Variants in LY86 observed in about 807,000 individuals in gnomAD.
LY86 encodes lymphocyte antigen 86.
In LY86, 20 loss-of-function variants were observed where a neutral mutation model predicts 17.3. The observed-to-expected ratio is 1.15, with a 90% confidence interval of 0.81 to 1.68. The LOEUF (loss-of-function observed/expected upper bound fraction) is 1.68, where lower values mean the gene tolerates loss of function less well. LY86 is among the 40% of genes most tolerant of loss of function. The pLI is 0.00. For missense variants in LY86, 200 were observed against 191.9 expected (o/e 1.04, Z -0.25); for synonymous variants, 74 against 70.6 (o/e 1.05, Z -0.24).
chr6:6,595,196 GA>G (rs1230566770), intron 1 of LY86, among the ~76,000 whole-genome samples: 1 of 151,024 alleles, frequency 6.6e-6, no homozygotes, highest in Non-Finnish European at 1.5e-5. Flanking sequence ...GGAAAAGGAA[GA>G]GGGGGAGAAA....
intron 3 of LY86, among the ~76,000 whole-genome samples, chr6:6,637,770 C>A (rs531200658): frequency 1.7e-4 from 26 of 152,196 alleles, no homozygotes; most frequent in Non-Finnish European, 3.8e-4. Context: ...TCGCATTACT[C>A]TTTCCCAGGG....
chr6:6,627,641 A>G (rs565278028), intron 3 of LY86, among the ~76,000 whole-genome samples: 1 of 152,296 alleles, frequency 6.6e-6, no homozygotes, highest in African/African-American at 2.4e-5. Flanking sequence ...AATGTGGCTG[A>G]CACACAGAGA....
intron 1 of LY86, among the ~76,000 whole-genome samples, chr6:6,624,536 G>C (rs1368318760): frequency 1.3e-5 from 2 of 152,022 alleles, no homozygotes; most frequent in Admixed American, 1.3e-4. Flanking sequence ...ATCTCCCTCT[G>C]TTTTGATAAT....
chr6:6,626,825 C>T (rs1007666244), intron 3 of LY86, among the ~76,000 whole-genome samples: 4 of 140,842 alleles, frequency 2.8e-5, no homozygotes, highest in Non-Finnish European at 4.5e-5. Flanking sequence ...ACTTCAAAAA[C>T]GAAAAAAAAA....
intron 1 of LY86, among the ~76,000 whole-genome samples, chr6:6,614,268 AAC>A (rs1303251746): frequency 6.6e-6 from 1 of 152,104 alleles, no homozygotes; most frequent in Non-Finnish European, 1.5e-5. Context: ...CTGCCTTACA[AAC>A]ACAGACCGCA....
intron 4 of LY86, among the ~76,000 whole-genome samples, chr6:6,650,818 G>T (rs528604862): frequency 1.4e-4 from 21 of 152,176 alleles, no homozygotes; most frequent in Admixed American, 3.9e-4. Context: ...CTGAATTTAT[G>T]TCTTCTATTA....
intron 3 of LY86, among the ~76,000 whole-genome samples, chr6:6,639,279 A>C (rs1045281123): frequency 1.3e-5 from 2 of 151,620 alleles, no homozygotes; most frequent in Non-Finnish European, 3.0e-5. Context: ...CCTAGGTTAC[A>C]TCCGTGTCAT....
At chr6:6,613,226 G>A (rs538691935) in intron 1 of LY86, among the ~76,000 whole-genome samples, 392 of 145,030 alleles carry the variant, frequency 2.7e-3, no homozygotes, top group Middle Eastern at 3.6e-3. Context: ...CAGTGGATCC[G>A]GCACTAGGGC....
chr6:6,606,351 T>G (rs895858317), intron 1 of LY86, among the ~76,000 whole-genome samples: 2 of 152,090 alleles, frequency 1.3e-5, no homozygotes, highest in African/African-American at 2.4e-5. Flanking sequence ...TACAATCCCT[T>G]AGGTAGACAT....
intron 4 of LY86, 107 bp downstream of exon 4, chr6:6,649,784 A>G (rs1382294435): frequency 8.0e-6 from 6 of 753,178 alleles, no homozygotes; most frequent in Non-Finnish European, 1.1e-5. Flanking sequence ...AGAAGGAAAG[A>G]ATTAAACAGT....
intron 1 of LY86, among the ~76,000 whole-genome samples, chr6:6,605,273 A>G (rs971962456): frequency 1.2e-5 from 1 of 86,588 alleles, no homozygotes; most frequent in Non-Finnish European, 2.9e-5. Flanking sequence ...TTATCACCTC[A>G]CCTCACAGTT....
intron 1 of LY86, among the ~76,000 whole-genome samples, chr6:6,617,909 C>T (rs941332721): frequency 9.2e-5 from 14 of 152,182 alleles, no homozygotes; most frequent in Admixed American, 5.2e-4. Context: ...GGCGCGATCT[C>T]GGCACACTGC....
At chr6:6,603,367 C>CAA (rs1207539462) in intron 1 of LY86, among the ~76,000 whole-genome samples, 1 of 27,230 alleles carries the variant, frequency 3.7e-5, no homozygotes, top group Non-Finnish European at 9.2e-5. Flanking sequence ...CAAGACAGTT[C>CAA]ACAAAAATTA....
chr6:6,591,698 A>T (rs959825252), intron 1 of LY86, among the ~76,000 whole-genome samples: 8 of 152,224 alleles, frequency 5.3e-5, no homozygotes, highest in Non-Finnish European at 7.3e-5. Flanking sequence ...CCAGGGTCAC[A>T]GAGAAGGTAA....
chr6:6,606,832 G>A (rs1206450828), intron 1 of LY86, among the ~76,000 whole-genome samples: 3 of 152,276 alleles, frequency 2.0e-5, no homozygotes, highest in African/African-American at 7.2e-5. Flanking sequence ...GCAAGCTGAG[G>A]GAGCGGGCTC....
chr6:6,635,764 T>C (rs1186343830), intron 3 of LY86, among the ~76,000 whole-genome samples: 1 of 152,224 alleles, frequency 6.6e-6, no homozygotes, highest in Non-Finnish European at 1.5e-5. Context: ...TGGGAACTCA[T>C]GTGCCTTGGC....
Position 6,596,653 on chromosome 6 carries a change from A to T in LY86, c.136+7783A>T, listed in dbSNP as rs959391969. On this transcript the variant is annotated intron_variant, in intron 1 of 4. Transcript: ENST00000230568. Reference sequence around the variant, plus strand: ...TTTTGGCCCAAATTTAAAGAGAGGAAGTTGATAAAGAAACACAAGAATATC... The same window carrying T: ...TTTTGGCCCAAATTTAAAGAGAGGATGTTGATAAAGAAACACAAGAATATC... Among the ~76,000 whole-genome samples, 4 of 152,204 alleles carry T rather than the reference A, an allele frequency of 2.6e-5. 1 individual carries two copies. Among genetic ancestry groups the T allele is most frequent in the Admixed American group, 2.6e-4 (4 of 15,282 alleles).
At chr6:6,592,018 G>A (rs753141718) in intron 1 of LY86, among the ~76,000 whole-genome samples, 6 of 152,170 alleles carry the variant, frequency 3.9e-5, no homozygotes, top group Non-Finnish European at 7.3e-5. Context: ...TTGCATTTTG[G>A]AAAGATCCTC....
At chr6:6,606,756 G>A (rs539650620) in intron 1 of LY86, among the ~76,000 whole-genome samples, 1 of 152,328 alleles carries the variant, frequency 6.6e-6, no homozygotes, top group East Asian at 1.9e-4. Flanking sequence ...CCCGGAACTC[G>A]CGCTGGCCCG....
Sources: allele counts gnomAD v4.1 joint callset (sites outside exome capture counted in the v4.1 genomes callset), GRCh38; gene constraint gnomAD v4.1.1; transcripts MANE v1.5; gene names NCBI Gene and HGNC (gene_info 2026-07-23, HGNC 2026-07-21).